Variants in PTK2 observed in about 807,000 individuals in gnomAD.
The protein encoded by PTK2 is protein tyrosine kinase 2.
PTK2 carries 45 observed loss-of-function variants against 150.1 expected under a neutral mutation model. That is an observed-to-expected ratio of 0.30 (90% CI 0.24 to 0.38). PTK2 has a LOEUF of 0.38. Ranked by LOEUF, PTK2 falls within the 10% of genes least tolerant of loss-of-function variation. The pLI, the probability that PTK2 is intolerant of heterozygous loss-of-function variation, is 1.00. For missense variants in PTK2, 919 were observed against 1,307.3 expected, an observed-to-expected ratio of 0.70 and a Z score of 4.58; for synonymous variants, 432 against 449.2, an observed-to-expected ratio of 0.96 and a Z score of 0.48.
At chr8:140,972,327 T>C (rs984161521) in intron 1 of PTK2, among the ~76,000 whole-genome samples, 1 of 152,186 alleles carries the variant, frequency 6.6e-6, no homozygotes, top group African/African-American at 2.4e-5. Flanking sequence ...TACAGTGGCA[T>C]GATCTCGGCT....
intron 5 of PTK2, among the ~76,000 whole-genome samples, chr8:140,862,075 C>T (rs2100136506): frequency 6.6e-6 from 1 of 151,966 alleles, no homozygotes; most frequent in African/African-American, 2.4e-5. Flanking sequence ...AGTCTTCCAA[C>T]AAAGAAAAAG....
At chr8:140,887,296 C>T (rs945108321) in intron 3 of PTK2, among the ~76,000 whole-genome samples, 1 of 152,186 alleles carries the variant, frequency 6.6e-6, no homozygotes. Flanking sequence ...GGTTTCACAT[C>T]TACAGAAAAA....
At chr8:140,809,867 T>C (rs1484746674) in intron 10 of PTK2, among the ~76,000 whole-genome samples, 1 of 152,256 alleles carries the variant, frequency 6.6e-6, no homozygotes, top group Admixed American at 6.5e-5. Context: ...TAAAAAGGCA[T>C]CATGTTGTTA....
intron 13 of PTK2, among the ~76,000 whole-genome samples, chr8:140,792,434 C>A (rs773165210): frequency 1.4e-4 from 21 of 152,334 alleles, no homozygotes; most frequent in Non-Finnish European, 2.4e-4. Flanking sequence ...CCCTTGGAAG[C>A]TTGCATCTGG....
intron 1 of PTK2, among the ~76,000 whole-genome samples, chr8:140,959,620 T>C (rs2100182405): frequency 6.6e-6 from 1 of 151,926 alleles, no homozygotes; most frequent in South Asian, 2.1e-4. Flanking sequence ...ATCTATATAC[T>C]TATATCTACG....
chr8:140,913,348 T>C (rs1043495972), intron 2 of PTK2, among the ~76,000 whole-genome samples: 1 of 150,152 alleles, frequency 6.7e-6, no homozygotes, highest in Admixed American at 6.7e-5. Context: ...CAGGCTGGAG[T>C]GCAATGGTGC....
intron 1 of PTK2, among the ~76,000 whole-genome samples, chr8:140,990,372 CTA>C (rs1350394330): frequency 6.6e-6 from 1 of 151,974 alleles, no homozygotes; most frequent in Non-Finnish European, 1.5e-5. Context: ...ATAGCTGGGA[CTA>C]TAGGCATGTA....
At chr8:140,995,368 C>G (rs2100197247) in intron 1 of PTK2, among the ~76,000 whole-genome samples, 1 of 122,400 alleles carries the variant, frequency 8.2e-6, no homozygotes, top group African/African-American at 3.3e-5. Flanking sequence ...GGCGACAGAG[C>G]AAGACTCCGT....
At chr8:140,812,182 C>G (rs993461149) in intron 10 of PTK2, among the ~76,000 whole-genome samples, 20 of 152,114 alleles carry the variant, frequency 1.3e-4, no homozygotes, top group African/African-American at 4.8e-4. Flanking sequence ...CAAAGGAAGG[C>G]CCATCAGATA....
intron 8 of PTK2, among the ~76,000 whole-genome samples, chr8:140,829,307 G>A (rs896731945): frequency 6.6e-6 from 1 of 152,150 alleles, no homozygotes; most frequent in Non-Finnish European, 1.5e-5. Flanking sequence ...CTGGACTCAG[G>A]GAAACAGTGA....
At chr8:140,818,451 G>T in intron 9 of PTK2, 97 bp from the exon 10 acceptor site, 2 of 1,061,958 alleles carry the variant, frequency 1.9e-6, no homozygotes, top group South Asian at 1.3e-5. Flanking sequence ...CCAAAGCAGG[G>T]GCTGGTTTGG....
intron 1 of PTK2, among the ~76,000 whole-genome samples, chr8:140,928,382 T>C (rs957930445): frequency 6.6e-6 from 1 of 152,166 alleles, no homozygotes; most frequent in Non-Finnish European, 1.5e-5. Context: ...ACAACTGCTA[T>C]GGAAAACAAC....
chr8:140,785,067 T>C (rs2100084129), intron 14 of PTK2, among the ~76,000 whole-genome samples: 1 of 152,210 alleles, frequency 6.6e-6, no homozygotes, highest in Admixed American at 6.5e-5. Context: ...TTTCTGTTGG[T>C]TATCCTCTCT....
intron 28 of PTK2, among the ~76,000 whole-genome samples, chr8:140,674,796 C>T (rs1448213560): frequency 6.6e-6 from 1 of 151,262 alleles, no homozygotes; most frequent in Non-Finnish European, 1.5e-5. Context: ...CCTGTAATCC[C>T]TAGCACTTTG....
At chr8:140,847,782 C>T (rs1336434004) in intron 5 of PTK2, among the ~76,000 whole-genome samples, 1 of 152,118 alleles carries the variant, frequency 6.6e-6, no homozygotes, top group Non-Finnish European at 1.5e-5. Flanking sequence ...GACTTCTACC[C>T]TAAAAAAATT....
intron 16 of PTK2, among the ~76,000 whole-genome samples, chr8:140,759,743 T>C (rs2100068228): frequency 6.6e-6 from 1 of 151,536 alleles, no homozygotes; most frequent in African/African-American, 2.4e-5. Context: ...GTAGTCCTAG[T>C]TACGAGGGAG....
At position 140,906,629 on chromosome 8, in the gene PTK2, ATAGAG is replaced by A. The variant is rs544744430; in HGVS notation, c.-32-15865_-32-15861del. On this transcript the variant is annotated intron_variant, in intron 2 of 31. Coordinates refer to ENST00000522684, the Ensembl canonical transcript of PTK2. Reference sequence around the variant, plus strand: ...TAAAAAAAGTGAATCCCATGGAAGTATAGAGTAGAGTGGTGGTTACCAGAGGCTGG... The same window carrying A: ...TAAAAAAAGTGAATCCCATGGAAGTATAGAGTGGTGGTTACCAGAGGCTGG... Among the ~76,000 whole-genome samples, 71 of 152,306 alleles carry A rather than the reference ATAGAG, an allele frequency of 4.7e-4. 1 individual carries two copies. The South Asian group carries it at 0.015, about 31-fold the overall frequency.
At position 140,800,357 on chromosome 8, in the gene PTK2, A is replaced by C. The variant is rs1358481523; in HGVS notation, c.1093+102T>G. 4 of 955,450 alleles carry C rather than the reference A, an allele frequency of 4.2e-6. No homozygotes were observed. The African/African-American group carries it at 4.8e-5, about 12-fold the overall frequency. 59.2% of individuals were successfully genotyped at this position (955,450 alleles called of 1,614,324 possible). A position where few individuals can be genotyped will look rare whatever the true frequency, so the allele number is the denominator to read the frequency against. On this transcript the variant is annotated intron_variant, in intron 12 of 31. Coordinates refer to ENST00000522684, the Ensembl canonical transcript of PTK2. ...GAGCTGAATTATTCATTTGGTCTTC[A>C]TTTTTACAGTTACCTAAAAGAGGAT... is the stretch of plus-strand genomic sequence containing the variant.
At chr8:140,928,155 T>C (rs1006319105) in intron 1 of PTK2, among the ~76,000 whole-genome samples, 2 of 151,780 alleles carry the variant, frequency 1.3e-5, no homozygotes, top group African/African-American at 4.8e-5. Context: ...TTTGGTTTTG[T>C]CATGCTGGCA....
Sources: allele counts gnomAD v4.1 joint callset (sites outside exome capture counted in the v4.1 genomes callset), GRCh38; gene constraint gnomAD v4.1.1; transcripts MANE v1.5; gene names NCBI Gene and HGNC (gene_info 2026-07-23, HGNC 2026-07-21).